KPNA1: variants seen among roughly 807,000 people sequenced by gnomAD.
The protein encoded by KPNA1 is karyopherin subunit alpha 1.
KPNA1 carries 10 observed loss-of-function variants against 70.5 expected under a neutral mutation model. The ratio of observed to expected loss-of-function variants is 0.14; its 90% CI spans 0.09 to 0.24. KPNA1 has a LOEUF of 0.24. Ranked by LOEUF, KPNA1 falls within the 10% of genes least tolerant of loss-of-function variation. KPNA1 has a pLI of 1.00. For missense variants in KPNA1, 397 were observed against 637.9 expected (o/e 0.62, Z 4.07); for synonymous variants, 192 against 221.9 (o/e 0.87, Z 1.20).
chr3:122,425,523 G>C lies in KPNA1; in HGVS notation c.*1462C>G, dbSNP rs1238156894. 6.6e-6 allele frequency: 1 copy of C among 152,524 alleles called. No homozygotes were observed. Among genetic ancestry groups the C allele is most frequent in the Non-Finnish European group, 1.5e-5 (1 of 68,022 alleles). The allele number at this position is 152,524 out of a possible 1,614,324, so 9.4% of individuals were successfully genotyped here. A position where few individuals can be genotyped will look rare whatever the true frequency, so the allele number is the denominator to read the frequency against. On this transcript the variant is annotated 3_prime_UTR_variant, in exon 14 of 14. Transcript: ENST00000344337. ...CTCTGGTAGTGTATCCCAACATTGA[G>C]TCAAGATGGCCAACTAGCACCGAGA...
chr3:122,475,085 CAT>C (rs1253739018), intron 2 of KPNA1, among the ~76,000 whole-genome samples: 1 of 152,120 alleles, frequency 6.6e-6, no homozygotes, highest in Non-Finnish European at 1.5e-5. Flanking sequence ...TTGCTGAAGA[CAT>C]ATCTTACATG....
intron 1 of KPNA1, among the ~76,000 whole-genome samples, chr3:122,514,248 G>A (rs2076989749): frequency 6.6e-6 from 1 of 151,874 alleles, no homozygotes; most frequent in Non-Finnish European, 1.5e-5. Flanking sequence ...CGGGCCGCCG[G>A]CTCCGACCCG....
At chr3:122,427,782 G>C in intron 12 of KPNA1, 66 bp from the exon 13 acceptor site, 2 of 1,092,064 alleles carry the variant, frequency 1.8e-6, no homozygotes, top group Non-Finnish European at 2.5e-6. Context: ...AAATTAGTGA[G>C]CAAGTCATCC....
chr3:122,457,052 A>C (rs2076272233), intron 5 of KPNA1, among the ~76,000 whole-genome samples: 1 of 152,240 alleles, frequency 6.6e-6, no homozygotes, highest in Non-Finnish European at 1.5e-5. Flanking sequence ...GGAGGGAGTA[A>C]AAAACAGAAT....
At chr3:122,427,827 A>G (rs1348162228) in intron 12 of KPNA1, 111 bp from the exon 13 acceptor site, 47 of 637,788 alleles carry the variant, frequency 7.4e-5, no homozygotes, top group Non-Finnish European at 1.1e-4. Context: ...AAAAAAAACA[A>G]AAAACAAGCA....
rs2075824909 is a variant in KPNA1, at chr3:122,426,530, T to C, written c.*455A>G. The C allele has an allele frequency of 6.5e-6, 1 of 154,138 alleles. No homozygotes were observed. The highest frequency in any genetic ancestry group is 2.4e-5 in the African/African-American group (1 of 41,580). 9.5% of individuals were successfully genotyped at this position (154,138 alleles called of 1,614,324 possible). ...AACTCATGAAAAGTACTCTGAAGTA[T>C]ACACAACAGGTCTAAACATCTCCCT... is the stretch of plus-strand genomic sequence containing the variant. On this transcript the variant is annotated 3_prime_UTR_variant, in exon 14 of 14. Coordinates refer to ENST00000344337, the MANE Select transcript of KPNA1 (RefSeq NM_002264.4).
chr3:122,459,521 T>C, intron 5 of KPNA1: 2 of 985,398 alleles, frequency 2.0e-6, no homozygotes, highest in Non-Finnish European at 2.4e-6. Context: ...GCAGGTTGCT[T>C]AGGGGATCAG....
chr3:122,485,744 T>C (rs2076621911), intron 2 of KPNA1, among the ~76,000 whole-genome samples: 1 of 152,138 alleles, frequency 6.6e-6, no homozygotes, highest in African/African-American at 2.4e-5. Context: ...CTACAGTTAA[T>C]AATAATGTAT....
intron 1 of KPNA1, among the ~76,000 whole-genome samples, chr3:122,498,558 T>C (rs1487060019): frequency 1.3e-5 from 2 of 152,222 alleles, no homozygotes; most frequent in African/African-American, 2.4e-5. Context: ...GCTGACTATA[T>C]ACATATATAT....
intron 2 of KPNA1, among the ~76,000 whole-genome samples, chr3:122,491,560 A>G (rs2076698266): frequency 6.6e-6 from 1 of 152,234 alleles, no homozygotes. Context: ...CTGGTTTGAT[A>G]AAAGTGGAAG....
chr3:122,494,971 G>T (rs544429244), intron 2 of KPNA1, among the ~76,000 whole-genome samples: 1 of 151,960 alleles, frequency 6.6e-6, no homozygotes, highest in Non-Finnish European at 1.5e-5. Flanking sequence ...AGATTTCTGA[G>T]AATAAAAGGA....
chr3:122,483,634 C>T (rs757704081), intron 2 of KPNA1, among the ~76,000 whole-genome samples: 97 of 152,192 alleles, frequency 6.4e-4, no homozygotes, highest in African/African-American at 2.3e-3. Context: ...TGTGAGCCAC[C>T]GTGCCCAGCC....
At chr3:122,498,955 G>A (rs932027180) in intron 1 of KPNA1, among the ~76,000 whole-genome samples, 9 of 152,116 alleles carry the variant, frequency 5.9e-5, no homozygotes, top group African/African-American at 1.9e-4. Context: ...TTATACTTTT[G>A]TTAAATTCAT....
intron 3 of KPNA1, among the ~76,000 whole-genome samples, chr3:122,465,597 T>C (rs1020016905): frequency 1.3e-5 from 2 of 152,232 alleles, no homozygotes; most frequent in African/African-American, 4.8e-5. Context: ...CATTTTTAGT[T>C]GCACAAAGGA....
At chr3:122,431,947 G>C (rs1196205604) in intron 12 of KPNA1, among the ~76,000 whole-genome samples, 2 of 151,934 alleles carry the variant, frequency 1.3e-5, no homozygotes, top group Non-Finnish European at 2.9e-5. Flanking sequence ...GGGATTACGG[G>C]TGCACGCCAC....
intron 8 of KPNA1, 105 bp downstream of exon 8, chr3:122,451,429 A>G (rs1057258108): frequency 1.6e-6 from 1 of 644,840 alleles, no homozygotes; most frequent in Non-Finnish European, 2.6e-6. Flanking sequence ...AAATTCTAAC[A>G]TTTTAAATTT....
chr3:122,461,718 T>C (rs1026182095), intron 4 of KPNA1, among the ~76,000 whole-genome samples: 7 of 152,210 alleles, frequency 4.6e-5, no homozygotes, highest in Admixed American at 2.0e-4. Flanking sequence ...TCTTAAGGAA[T>C]TGCATTACAA....
intron 12 of KPNA1, among the ~76,000 whole-genome samples, chr3:122,429,618 T>C (rs1346721357): frequency 6.6e-6 from 1 of 151,966 alleles, no homozygotes; most frequent in African/African-American, 2.4e-5. Context: ...ATTGTTAAGA[T>C]GGCAATTCTT....
intron 11 of KPNA1, among the ~76,000 whole-genome samples, chr3:122,434,370 T>A (rs553789502): frequency 2.6e-5 from 4 of 152,222 alleles, no homozygotes; most frequent in Non-Finnish European, 5.9e-5. Context: ...AGTAACAAAT[T>A]GTTAAGAGCT....
Sources: allele counts gnomAD v4.1 joint callset (sites outside exome capture counted in the v4.1 genomes callset), GRCh38; gene constraint gnomAD v4.1.1; transcripts MANE v1.5; gene names NCBI Gene and HGNC (gene_info 2026-07-23, HGNC 2026-07-21).